MPRIP: variants seen among roughly 807,000 people sequenced by gnomAD.
MPRIP encodes myosin phosphatase Rho-interacting protein.
MPRIP carries 59 observed loss-of-function variants against 234.9 expected under a neutral mutation model. That is an observed-to-expected ratio of 0.25 (90% CI 0.20 to 0.31). The LOEUF (loss-of-function observed/expected upper bound fraction) is 0.31. Among genes scored for constraint, MPRIP ranks in the 10% least tolerant of loss-of-function variants. The pLI is 1.00. For missense variants in MPRIP, 2,436 were observed against 3,071.0 expected, an observed-to-expected ratio of 0.79 and a Z score of 4.89; for synonymous variants, 1,144 against 1,263.9, an observed-to-expected ratio of 0.91 and a Z score of 2.01.
chr17:17,181,178 C>T (rs138122882), intron 23 of MPRIP, among the ~76,000 whole-genome samples: 133 of 151,166 alleles, frequency 8.8e-4, no homozygotes, highest in East Asian at 7.6e-3. Flanking sequence ...GCAATAGGGG[C>T]GAAATATTTA....
At chr17:17,123,534 A>G (rs1282877799) in intron 3 of MPRIP, among the ~76,000 whole-genome samples, 1 of 151,676 alleles carries the variant, frequency 6.6e-6, no homozygotes, top group Non-Finnish European at 1.5e-5. Flanking sequence ...ATACAAAAAT[A>G]TAATACTAAA....
intron 1 of MPRIP, 109 bp downstream of exon 1, chr17:17,043,080 C>A: frequency 2.7e-6 from 3 of 1,102,556 alleles, no homozygotes; most frequent in Admixed American, 2.2e-5. Flanking sequence ...GGGAAATGCG[C>A]GAGTCCTGGG....
intron 3 of MPRIP, among the ~76,000 whole-genome samples, chr17:17,099,594 G>A (rs1276058296): frequency 1.3e-5 from 2 of 152,144 alleles, no homozygotes; most frequent in African/African-American, 4.8e-5. Flanking sequence ...GGATGTGGTG[G>A]TGCATACCTA....
chr17:17,100,761 A>G (rs1597803840), intron 3 of MPRIP, among the ~76,000 whole-genome samples: 2 of 152,170 alleles, frequency 1.3e-5, no homozygotes, highest in African/African-American at 4.8e-5. Context: ...TTGATTCTAC[A>G]TTATGGTGAG....
intron 3 of MPRIP, among the ~76,000 whole-genome samples, chr17:17,093,726 C>T (rs2089774258): frequency 6.6e-6 from 1 of 152,200 alleles, no homozygotes; most frequent in African/African-American, 2.4e-5. Context: ...TTTCTTCTTA[C>T]TCCTGAGTCC....
At chr17:17,054,065 C>A (rs139615710) in intron 1 of MPRIP, among the ~76,000 whole-genome samples, 2,454 of 152,232 alleles carry the variant, frequency 0.016, 42 homozygotes, top group Admixed American at 0.026. Context: ...AACCAAACTT[C>A]TAAATAAAGA....
chr17:17,163,324 G>A (rs1290386189), intron 15 of MPRIP, among the ~76,000 whole-genome samples: 2 of 152,184 alleles, frequency 1.3e-5, no homozygotes, highest in Admixed American at 6.5e-5. Flanking sequence ...ACTCTTGTTT[G>A]TGTTGTTTTT....
intron 3 of MPRIP, among the ~76,000 whole-genome samples, chr17:17,112,651 C>A (rs1267734727): frequency 6.6e-6 from 1 of 152,192 alleles, no homozygotes; most frequent in Non-Finnish European, 1.5e-5. Flanking sequence ...TTACTCCCAG[C>A]CTCCTCCCCT....
intron 15 of MPRIP, among the ~76,000 whole-genome samples, chr17:17,162,927 A>G (rs1260053148): frequency 6.6e-6 from 1 of 152,224 alleles, no homozygotes; most frequent in Admixed American, 6.5e-5. Flanking sequence ...GACTTTGCAC[A>G]TTGCTAACCT....
chr17:17,101,707 G>C (rs1011448395), intron 3 of MPRIP, among the ~76,000 whole-genome samples: 2 of 152,266 alleles, frequency 1.3e-5, no homozygotes, highest in Non-Finnish European at 2.9e-5. Context: ...CCTGCCTGGG[G>C]AATTGTTTCC....
Position 17,042,787 on chromosome 17 carries a change from G to C in MPRIP, c.-62G>C, listed in dbSNP as rs899514300. 3.0e-4 allele frequency: 306 copies of C among 1,030,186 alleles called. No homozygotes were observed. The highest frequency in any genetic ancestry group is 3.4e-4 in the Non-Finnish European group (293 of 859,166). The allele number at this position is 1,030,186 out of a possible 1,614,324, so 63.8% of individuals were successfully genotyped here. ...GGCCGCGCTGAGCCCCTAGCCCGCC[G>C]GGAGCGCCAGGCCGGCCAGGCCTGC... On this transcript the variant is annotated 5_prime_UTR_variant, in exon 1 of 24. Transcript: ENST00000651222.
chr17:17,068,613 C>A (rs1478009477), intron 1 of MPRIP, among the ~76,000 whole-genome samples: 1 of 151,982 alleles, frequency 6.6e-6, no homozygotes, highest in Non-Finnish European at 1.5e-5. Context: ...TCACTGCAAC[C>A]TCCGCCTCCC....
In MPRIP at chr17:17,138,752, T is replaced by C. The variant is rs953386319; in HGVS notation, c.1250+323T>C. Among the ~76,000 whole-genome samples, 1 of 152,162 alleles carries C rather than the reference T, an allele frequency of 6.6e-6. No individual in the cohort carries two copies. Among genetic ancestry groups the C allele is most frequent in the African/African-American group, 2.4e-5 (1 of 41,446 alleles). On this transcript the variant is annotated intron_variant, in intron 7 of 23. Transcript: ENST00000651222. This position sits in a 1 kb window ranked among gnomAD's most constrained non-coding sequence, Gnocchi z 5.8. ...CTTGTGGGGCTGGATCTTTTCCTCC[T>C]GGGCCATTTCTATTCTCTGAAGTGG...
rs138475548 is a variant in MPRIP, at chr17:17,168,002, C to G, written c.6324+87C>G. 5 of 1,062,928 alleles carry G rather than the reference C, an allele frequency of 4.7e-6. No individual in the cohort carries two copies. In the East Asian group the frequency reaches 3.0e-4, roughly 63 times the overall value. 65.8% of individuals were successfully genotyped at this position (1,062,928 alleles called of 1,614,324 possible). A position where few individuals can be genotyped will look rare whatever the true frequency, so the allele number is the denominator to read the frequency against. ...ACGTCTGGCTCAGCTACCGTGCAGG[C>G]AGAATTGAGGGGATATGCTGCTGTC... On this transcript the variant is annotated intron_variant, in intron 16 of 23. Coordinates refer to ENST00000651222, the MANE Select transcript of MPRIP (RefSeq NM_001364716.4).
chr17:17,057,607 C>G lies in MPRIP; in HGVS notation c.123+14636C>G, dbSNP rs761822622. The G allele has an allele frequency of 2.3e-4, 164 of 718,080 alleles. No homozygotes were observed. The South Asian group carries it at 2.3e-3, about 10-fold the overall frequency. The allele number at this position is 718,080 out of a possible 1,614,324, so 44.5% of individuals were successfully genotyped here. On this transcript the variant is annotated intron_variant, in intron 1 of 23. Transcript: ENST00000651222. ...TTTGCTACGCTGTTCATCACTGTTACCAGTTTTCAACCTTTATTTCTTTGG... is the reference window on the plus strand; with the variant it reads ...TTTGCTACGCTGTTCATCACTGTTAGCAGTTTTCAACCTTTATTTCTTTGG...
chr17:17,187,747 AAAG>A lies in MPRIP; in HGVS notation c.*2859_*2861del, dbSNP rs1339315949. 1.3e-5 allele frequency: 2 copies of A among 152,268 alleles called. No individual in the cohort carries two copies. The highest frequency in any genetic ancestry group is 2.1e-4 in the South Asian group (1 of 4,836). The allele number at this position is 152,268 out of a possible 1,614,324, so 9.4% of individuals were successfully genotyped here. ...TTAACCCCTGAATTCCAGAGGGAAG[AAAG>A]AAGAACAGTGAAGAAGTAGAACTGG... On this transcript the variant is annotated 3_prime_UTR_variant, in exon 24 of 24. Coordinates refer to ENST00000651222, the MANE Select transcript of MPRIP (RefSeq NM_001364716.4).
chr17:17,068,308 G>A (rs2089103410), intron 1 of MPRIP, among the ~76,000 whole-genome samples: 1 of 151,200 alleles, frequency 6.6e-6, no homozygotes, highest in South Asian at 2.1e-4. Context: ...GCTCCACTAC[G>A]CCCGGCTAAT....
At chr17:17,075,813 G>C in intron 2 of MPRIP, 26 bp downstream of exon 2, 1 of 1,611,398 alleles carries the variant, frequency 6.2e-7, no homozygotes, top group South Asian at 1.1e-5. Flanking sequence ...CCAACTCTCA[G>C]GGAGGAACCA....
rs1235846541 is a variant in MPRIP, at chr17:17,067,768, TTTC to T, written c.124-7923_124-7921del. 7.1e-4 allele frequency among the ~76,000 whole-genome samples: 107 copies of T among 150,726 alleles called. 1 individual carries two copies. The highest frequency in any genetic ancestry group is 1.2e-3 in the Non-Finnish European group (84 of 67,710). ...GCTTCATAAAATGAATTGGAAAGTGTTTCTTCTTCTTCTTCTTCTTCCTTTTTT... is the reference window on the plus strand; with the variant it reads ...GCTTCATAAAATGAATTGGAAAGTGTTTCTTCTTCTTCTTCTTCCTTTTTT... On this transcript the variant is annotated intron_variant, in intron 1 of 23. Transcript: ENST00000651222.
Sources: gnomAD v4.1 joint callset for allele counts (sites outside exome capture counted in the v4.1 genomes callset) on GRCh38, gnomAD v4.1.1 for gene constraint, Gnocchi (gnomAD v3.1) non-coding constraint, MANE v1.5 for transcripts, NCBI Gene and HGNC (gene_info 2026-07-23, HGNC 2026-07-21) for gene names.